The following PSMA1 variants were observed in gnomAD, a reference collection of about 807,000 sequenced individuals.
The protein encoded by PSMA1 is proteasome 20S subunit alpha 1, also known as proteasome subunit alpha type-1.
PSMA1 carries 3 observed loss-of-function variants against 38.4 expected under a neutral mutation model. That is an observed-to-expected ratio of 0.08 (90% CI 0.04 to 0.20). The LOEUF (loss-of-function observed/expected upper bound fraction) is 0.20, where lower values mean the gene tolerates loss of function less well. Ranked by LOEUF, PSMA1 falls within the 10% of genes least tolerant of loss-of-function variation. The pLI, the probability that PSMA1 is intolerant of heterozygous loss-of-function variation, is 1.00. For synonymous variants in PSMA1, 101 were observed against 107.1 expected, an observed-to-expected ratio of 0.94 and a Z score of 0.35; for missense variants, 227 against 325.3, an observed-to-expected ratio of 0.70 and a Z score of 2.32.
At chr11:14,608,063 T>C (rs576034300) in intron 2 of PSMA1, among the ~76,000 whole-genome samples, 1 of 152,108 alleles carries the variant, frequency 6.6e-6, no homozygotes, top group Admixed American at 6.6e-5. Flanking sequence ...TAATAGTGTA[T>C]ATAACAAGGC....
At chr11:14,557,219 G>A (rs1013538969) in intron 2 of PSMA1, among the ~76,000 whole-genome samples, 1 of 152,010 alleles carries the variant, frequency 6.6e-6, no homozygotes, top group Non-Finnish European at 1.5e-5. Flanking sequence ...TCTTCTGGGA[G>A]ATTTTTTTAA....
intron 1 of PSMA1, among the ~76,000 whole-genome samples, chr11:14,634,614 G>C (rs1481234635): frequency 6.6e-6 from 1 of 152,004 alleles, no homozygotes; most frequent in Non-Finnish European, 1.5e-5. Flanking sequence ...TGAAGTGTGG[G>C]ATTACAGGCA....
At chr11:14,602,369 G>C (rs905927478) in intron 2 of PSMA1, among the ~76,000 whole-genome samples, 3 of 152,122 alleles carry the variant, frequency 2.0e-5, no homozygotes, top group Non-Finnish European at 4.4e-5. Flanking sequence ...GGAGAAAAGA[G>C]TGGACTTTGT....
In PSMA1 at chr11:14,513,822, A is replaced by G. The variant is rs370387385; in HGVS notation, c.409T>C (p.Tyr137His). 2.1e-5 allele frequency: 33 copies of G among 1,589,344 alleles called. No homozygotes were observed. Among genetic ancestry groups the G allele is most frequent in the East Asian group, 4.5e-5 (2 of 44,460 alleles). The change falls in exon 6 of 10, where the codon TAT becomes CAT. Residue 137 changes from tyrosine to histidine, a missense_variant. Tyr to His is a moderately conservative substitution (Grantham distance 83, BLOSUM62 2). Transcript: ENST00000396394. The part of the protein sequence containing the change: ...PYGVGLLIAG[Y>H]DDMGPHIFQT... ...ACAATATTCAATGAACTTACATCAT[A>G]ACCAGCAATAAGGAGACCAACACCA...
chr11:14,594,311 G>A (rs1313627610), intron 2 of PSMA1, among the ~76,000 whole-genome samples: 2 of 152,178 alleles, frequency 1.3e-5, no homozygotes, highest in African/African-American at 2.4e-5. Context: ...ACAGGTCAGA[G>A]TGTGAGCATT....
intron 1 of PSMA1, among the ~76,000 whole-genome samples, chr11:14,635,391 TAG>T (rs1853101705): frequency 6.6e-6 from 1 of 152,214 alleles, no homozygotes; most frequent in Admixed American, 6.5e-5. Flanking sequence ...CAGACCATGC[TAG>T]AGAGTTGTCA....
chr11:14,549,938 C>T lies in PSMA1; in HGVS notation c.22-30897G>A, dbSNP rs182151056. 9.4e-4 allele frequency among the ~76,000 whole-genome samples: 143 copies of T among 152,228 alleles called. 1 individual carries two copies. The highest frequency in any genetic ancestry group is 2.4e-3 in the Admixed American group (37 of 15,290). ...TGGGATCTTTGTTATCTCAGCAAAA[C>T]GAAAGATGTTAACTCTTCTCAGCCT... is the stretch of plus-strand genomic sequence containing the variant. On this transcript the variant is annotated intron_variant, in intron 2 of 10. Coordinates refer to the PSMA1 transcript ENST00000418988.
chr11:14,531,101 C>G (rs1351986985), intron 2 of PSMA1, among the ~76,000 whole-genome samples: 1 of 152,054 alleles, frequency 6.6e-6, no homozygotes, highest in Non-Finnish European at 1.5e-5. Flanking sequence ...GCTAGATATT[C>G]TCTGATAACC....
At chr11:14,572,134 G>A (rs183287834) in intron 2 of PSMA1, among the ~76,000 whole-genome samples, 211 of 152,222 alleles carry the variant, frequency 1.4e-3, no homozygotes, top group African/African-American at 4.6e-3. Flanking sequence ...GGATATCCAG[G>A]AATTGAACTC....
chr11:14,600,183 G>T (rs1281603631), intron 2 of PSMA1, among the ~76,000 whole-genome samples: 2 of 152,192 alleles, frequency 1.3e-5, no homozygotes, highest in Non-Finnish European at 2.9e-5. Context: ...GTGTCTCCCA[G>T]TTAGGTTACA....
At chr11:14,617,695 A>ATGTGTGTG (rs1327545879) in intron 1 of PSMA1, among the ~76,000 whole-genome samples, 8 of 146,214 alleles carry the variant, frequency 5.5e-5, no homozygotes, top group African/African-American at 2.1e-4. Flanking sequence ...GTATATATAT[A>ATGTGTGTG]TATGTGTGTG....
chr11:14,595,116 T>C (rs559840235), intron 2 of PSMA1, among the ~76,000 whole-genome samples: 7 of 152,344 alleles, frequency 4.6e-5, no homozygotes, highest in Admixed American at 1.3e-4. Context: ...TAGTATTCCA[T>C]GGTGTATATG....
intron 2 of PSMA1, among the ~76,000 whole-genome samples, chr11:14,567,926 T>G (rs927731034): frequency 3.3e-5 from 5 of 152,176 alleles, no homozygotes; most frequent in African/African-American, 1.2e-4. Flanking sequence ...GGGTAGGAAT[T>G]ATAGCCCTGT....
At chr11:14,573,173 A>G (rs2134179171) in intron 2 of PSMA1, among the ~76,000 whole-genome samples, 1 of 152,360 alleles carries the variant, frequency 6.6e-6, no homozygotes, top group South Asian at 2.1e-4. Context: ...TGAGGCCAGC[A>G]TCATCCTGAT....
At chr11:14,525,700 T>C (rs947665695) in intron 2 of PSMA1, among the ~76,000 whole-genome samples, 19 of 152,196 alleles carry the variant, frequency 1.2e-4, no homozygotes, top group Non-Finnish European at 2.6e-4. Context: ...TATTCGGTTC[T>C]TGATCTTAAA....
At chr11:14,639,542 C>T (rs1853171668) in intron 1 of PSMA1, among the ~76,000 whole-genome samples, 1 of 152,154 alleles carries the variant, frequency 6.6e-6, no homozygotes, top group Non-Finnish European at 1.5e-5. Flanking sequence ...AGAGAGAATT[C>T]TTGTTTGAAG....
rs557165078 is a variant in PSMA1 at position 14,592,002 on chromosome 11, A to G, written c.21+18964T>C. Among the ~76,000 whole-genome samples the G allele has an allele frequency of 3.3e-5, 5 of 151,940 alleles. No individual in the cohort carries two copies. In the East Asian group the frequency reaches 9.7e-4, roughly 30 times the overall value. On this transcript the variant is annotated intron_variant, in intron 2 of 10. Transcript: ENST00000418988. ...GATCTGCAGCTTCACTCCTGAGCCCAGCGAGACCATGAGCCCACCGGGAGG... is the reference window on the plus strand; with the variant it reads ...GATCTGCAGCTTCACTCCTGAGCCCGGCGAGACCATGAGCCCACCGGGAGG...
At chr11:14,520,965 T>C (rs1851518385), upstream of PSMA1, among the ~76,000 whole-genome samples, 1 of 152,244 alleles carries the variant, frequency 6.6e-6, no homozygotes, top group South Asian at 2.1e-4. Context: ...CTCATTGTTA[T>C]TATGATTGAT....
At chr11:14,636,173 G>A (rs186704607) in intron 1 of PSMA1, among the ~76,000 whole-genome samples, 31 of 152,242 alleles carry the variant, frequency 2.0e-4, no homozygotes, top group Admixed American at 8.5e-4. Flanking sequence ...GTCAAAATAA[G>A]TGTTAATTCA....
Sources: allele counts gnomAD v4.1 joint callset (sites outside exome capture counted in the v4.1 genomes callset), GRCh38; gene constraint gnomAD v4.1.1; transcripts MANE v1.5; gene names NCBI Gene and HGNC (gene_info 2026-07-23, HGNC 2026-07-21).